WRN: variants seen among roughly 807,000 people sequenced by gnomAD.
WRN encodes WRN RecQ like helicase.
In WRN, 149 loss-of-function variants were observed where a neutral mutation model predicts 180.7. The ratio of observed to expected loss-of-function variants is 0.82; its 90% CI spans 0.72 to 0.94. The LOEUF is 0.94. Ranked by LOEUF, WRN falls within the 40% of genes least tolerant of loss-of-function variation. The pLI, the probability that WRN is intolerant of heterozygous loss-of-function variation, is 0.00. For missense variants in WRN, 1,661 were observed against 1,700.1 expected (o/e 0.98, Z 0.40); for synonymous variants, 548 against 568.9 (o/e 0.96, Z 0.52).
chr8:31,089,614 T>C (rs535106881), intron 13 of WRN, among the ~76,000 whole-genome samples: 5 of 152,088 alleles, frequency 3.3e-5, no homozygotes, highest in Non-Finnish European at 5.9e-5. Context: ...GCACATGTTG[T>C]AGAGATCAAT....
Position 31,073,782 on chromosome 8 carries a change from C to T in WRN, c.725-2391C>T, listed in dbSNP as rs1173952180. The stretch of plus-strand genomic sequence containing the variant: ...AGGGAAGTACAGGAGGTGTTTAGTT[C>T]TGAAGCCACCTGAAGAAAATGTTTG... On this transcript the variant is annotated intron_variant, in intron 7 of 34. Transcript: ENST00000298139. Among the ~76,000 whole-genome samples the T allele has an allele frequency of 2.0e-5, 3 of 152,242 alleles. No homozygotes were observed. In the East Asian group the frequency reaches 5.8e-4, roughly 29 times the overall value.
At chr8:31,089,069 T>A in intron 13 of WRN, 104 bp downstream of exon 13, 1 of 919,344 alleles carries the variant, frequency 1.1e-6, no homozygotes, top group Non-Finnish European at 1.7e-6. Flanking sequence ...ACAACTTCAC[T>A]ATAGTTATAC....
intron 5 of WRN, among the ~76,000 whole-genome samples, chr8:31,065,878 C>CTTTTTTT (rs1201740447): frequency 7.7e-6 from 1 of 130,670 alleles, no homozygotes; most frequent in African/African-American, 2.8e-5. Flanking sequence ...AGTTTCTTTT[C>CTTTTTTT]TTTTTTTTTT....
intron 28 of WRN, among the ~76,000 whole-genome samples, chr8:31,146,220 G>A (rs972756030): frequency 1.3e-5 from 2 of 150,768 alleles, no homozygotes; most frequent in African/African-American, 4.9e-5. Context: ...TCCTATTATG[G>A]TAGATTTCCC....
chr8:31,160,499 T>C lies in WRN; in HGVS notation c.3982+2969T>C, dbSNP rs1338211198. Among the ~76,000 whole-genome samples the C allele has an allele frequency of 2.0e-5, 3 of 152,126 alleles. No individual in the cohort carries two copies. In the East Asian group the frequency reaches 5.8e-4, roughly 29 times the overall value. ...ATAGTAATTACTTTGTAGGATTAGATTTATGGTTGTCGAAACCTTTGTTTC... is the reference window on the plus strand; with the variant it reads ...ATAGTAATTACTTTGTAGGATTAGACTTATGGTTGTCGAAACCTTTGTTTC... On this transcript the variant is annotated intron_variant, in intron 33 of 34. Transcript: ENST00000298139.
intron 7 of WRN, among the ~76,000 whole-genome samples, chr8:31,070,878 C>T (rs1794515928): frequency 6.6e-6 from 1 of 151,972 alleles, no homozygotes; most frequent in Non-Finnish European, 1.5e-5. Flanking sequence ...AACACCATCT[C>T]TACTAAAAAT....
intron 19 of WRN, among the ~76,000 whole-genome samples, chr8:31,112,708 T>C (rs192769151): frequency 6.6e-6 from 1 of 152,142 alleles, no homozygotes; most frequent in Non-Finnish European, 1.5e-5. Context: ...TGCCTCAGTC[T>C]CCCAAGTAGC....
chr8:31,152,380 T>C (rs1051017027), intron 31 of WRN, among the ~76,000 whole-genome samples: 6 of 151,480 alleles, frequency 4.0e-5, no homozygotes, highest in Non-Finnish European at 8.8e-5. Context: ...TATGTACAAA[T>C]ATTATTTATT....
chr8:31,074,617 G>A (rs1813032137), intron 7 of WRN, among the ~76,000 whole-genome samples: 2 of 152,112 alleles, frequency 1.3e-5, no homozygotes, highest in South Asian at 4.2e-4. Flanking sequence ...AATAACTTGT[G>A]TCATCATCGA....
Position 31,064,829 on chromosome 8 carries a change from A to T in WRN, c.356-86A>T, listed in dbSNP as rs1356331673. On this transcript the variant is annotated intron_variant, in intron 4 of 34. Transcript: ENST00000298139. ...TAAAATTACTGTTAAATACAAATTTACACATAAACATGGTATGTATAAGAA... is the reference window on the plus strand; with the variant it reads ...TAAAATTACTGTTAAATACAAATTTTCACATAAACATGGTATGTATAAGAA... 5 of 1,452,994 alleles carry T rather than the reference A, an allele frequency of 3.4e-6. No homozygotes were observed. The East Asian group carries it at 1.2e-4, about 34-fold the overall frequency. The allele number at this position is 1,452,994 out of a possible 1,614,324, so 90.0% of individuals were successfully genotyped here.
intron 34 of WRN, among the ~76,000 whole-genome samples, chr8:31,168,737 T>G (rs1156531531): frequency 6.6e-6 from 1 of 152,224 alleles, no homozygotes; most frequent in East Asian, 1.9e-4. Context: ...ATCTGTCATA[T>G]GTTAACATTC....
At chr8:31,085,360 T>TA (rs1301039818) in intron 11 of WRN, 114 bp downstream of exon 11, 1 of 1,125,108 alleles carries the variant, frequency 8.9e-7, no homozygotes, top group African/African-American at 1.6e-5. Flanking sequence ...TGCTACTAAT[T>TA]ATGTAACATT....
At chr8:31,142,533 C>T in intron 26 of WRN, 93 bp from the exon 27 acceptor site, 1 of 994,260 alleles carries the variant, frequency 1.0e-6, no homozygotes, top group African/African-American at 1.7e-5. Context: ...AGGGTAATAT[C>T]TTATTCATCT....
rs1024495075 is a variant in WRN, at chr8:31,059,262, T to C, written c.206T>C (p.Ile69Thr). Residue 69 changes from isoleucine to threonine, a missense_variant, in exon 3 of 35, where the codon ATT becomes ACT. By Grantham distance (89) the Ile-to-Thr change is moderately conservative. This residue lies in a region of WRN where 500 missense variants were observed against 504.1 expected (regional missense o/e 0.99). Transcript: ENST00000298139. ...ASDCSFLSED[I>T]SMSLSDGDVV... is the part of the protein sequence containing the mutation. ...GATTGCTCTTTCCTGTCAGAAGATA[T>C]TAGGTAAGTGATTTGAATTTCCTGA... is the stretch of plus-strand genomic sequence containing the variant. 6.2e-7 allele frequency: 1 copy of C among 1,610,226 alleles called. No individual in the cohort carries two copies. The highest frequency in any genetic ancestry group is 2.2e-5 in the East Asian group (1 of 44,776).
chr8:31,085,070 T>G, intron 10 of WRN, 96 bp from the exon 11 acceptor site: 1 of 1,109,130 alleles, frequency 9.0e-7, no homozygotes, highest in Non-Finnish European at 1.3e-6. Context: ...GAGGAAGCTG[T>G]CTAAAGATAT....
At chr8:31,110,200 G>T (rs1453524683) in intron 18 of WRN, among the ~76,000 whole-genome samples, 1 of 152,148 alleles carries the variant, frequency 6.6e-6, no homozygotes, top group Non-Finnish European at 1.5e-5. Flanking sequence ...AAACCTGTGT[G>T]TTAACACAGA....
At chr8:31,089,025 A>G in intron 13 of WRN, 60 bp downstream of exon 13, 4 of 1,468,556 alleles carry the variant, frequency 2.7e-6, no homozygotes, top group Admixed American at 1.9e-5. Flanking sequence ...AACAAGGGAA[A>G]AGGCAAATAA....
At position 31,067,049 on chromosome 8, in the gene WRN, CCTGG is replaced by C; in HGVS notation, c.522_525del (p.Trp175AlafsTer10). On this transcript the variant is annotated frameshift_variant, in exon 6 of 35. Coordinates refer to ENST00000298139, the MANE Select transcript of WRN (RefSeq NM_000553.6). LOFTEE classifies it high-confidence loss of function. The stretch of plus-strand genomic sequence containing the variant: ...CATTTCTAGCTGAAATGCACAGAGA[CCTGG>C]AGCCTTAACAGTCTGGTTAAACACC... 6.2e-7 allele frequency: 1 copy of C among 1,613,804 alleles called. No homozygotes were observed. Among genetic ancestry groups the C allele is most frequent in the Non-Finnish European group, 8.5e-7 (1 of 1,179,908 alleles).
At position 31,059,364 on chromosome 8, in the gene WRN, G is replaced by A. The variant is rs188604526; in HGVS notation, c.209+99G>A. 5.1e-3 allele frequency: 4,635 copies of A among 908,222 alleles called. 70 individuals are homozygous for A. Among genetic ancestry groups the A allele is most frequent in the Non-Finnish European group, 3.1e-3 (1,689 of 551,396 alleles). 56.3% of individuals were successfully genotyped at this position (908,222 alleles called of 1,614,324 possible). ...ATATACTGAGTTTTACAGGTGAGGT[G>A]TGTTCAATAGATAATTATTTCTATG... On this transcript the variant is annotated intron_variant, in intron 3 of 34. Coordinates refer to ENST00000298139, the MANE Select transcript of WRN (RefSeq NM_000553.6).
Sources: allele counts gnomAD v4.1 joint callset (sites outside exome capture counted in the v4.1 genomes callset), GRCh38; gene constraint gnomAD v4.1.1; regional missense constraint gnomAD v4.1.1; transcripts MANE v1.5; gene names NCBI Gene and HGNC (gene_info 2026-07-23, HGNC 2026-07-21).